ZYG11B: variants seen among roughly 807,000 people sequenced by gnomAD.
ZYG11B encodes the protein protein zyg-11 homolog B.
A neutral mutation model predicts 82.4 loss-of-function variants in ZYG11B; 36 were observed. The observed-to-expected ratio is 0.44, with a 90% CI of 0.33 to 0.58. The LOEUF is 0.58. Ranked by LOEUF, ZYG11B falls within the 20% of genes least tolerant of loss-of-function variation. The pLI is 0.02. For synonymous variants in ZYG11B, 303 were observed against 312.8 expected, an observed-to-expected ratio of 0.97 and a Z score of 0.33; for missense variants, 552 against 895.6, an observed-to-expected ratio of 0.62 and a Z score of 4.90.
intron 3 of ZYG11B, chr1:52,772,792 CT>C: frequency 1.8e-6 from 1 of 558,816 alleles, no homozygotes; most frequent in Non-Finnish European, 3.2e-6. Context: ...ATTCTTCTGC[CT>C]CAGTCCCCTG....
At chr1:52,789,561 G>C (rs771377560) in intron 5 of ZYG11B, among the ~76,000 whole-genome samples, 1 of 152,108 alleles carries the variant, frequency 6.6e-6, no homozygotes, top group African/African-American at 2.4e-5. Context: ...ATAGAGCCAA[G>C]TCTGTCAGTC....
At chr1:52,788,479 A>C (rs1371902077) in intron 5 of ZYG11B, among the ~76,000 whole-genome samples, 1 of 152,234 alleles carries the variant, frequency 6.6e-6, no homozygotes, top group Non-Finnish European at 1.5e-5. Context: ...AGTTCTAAGC[A>C]TTCAGATACA....
chr1:52,726,625 C>A lies in ZYG11B; in HGVS notation c.-29C>A. On this transcript the variant is annotated 5_prime_UTR_variant, in exon 1 of 14. Transcript: ENST00000294353. ...AGCCTGGGGGCGGGCTCCGGTCCGG[C>A]CCGCCGCCGCACCCAGGACGGAGGC... is the stretch of plus-strand genomic sequence containing the variant. 7.0e-7 allele frequency: 1 copy of A among 1,431,644 alleles called. No homozygotes were observed. The highest frequency in any genetic ancestry group is 9.1e-7 in the Non-Finnish European group (1 of 1,098,104). 88.7% of individuals were successfully genotyped at this position (1,431,644 alleles called of 1,614,324 possible). A position where few individuals can be genotyped will look rare whatever the true frequency, so the allele number is the denominator to read the frequency against.
At chr1:52,738,827 C>G (rs907289218) in intron 1 of ZYG11B, among the ~76,000 whole-genome samples, 1 of 151,660 alleles carries the variant, frequency 6.6e-6, no homozygotes, top group African/African-American at 2.4e-5. Context: ...CCATGTTGGT[C>G]TCAAACTCCC....
chr1:52,806,757 A>G (rs970994398), intron 10 of ZYG11B, among the ~76,000 whole-genome samples: 1 of 151,862 alleles, frequency 6.6e-6, no homozygotes, highest in Non-Finnish European at 1.5e-5. Flanking sequence ...CTGCTTTTTC[A>G]TCTAGTTTGA....
At chr1:52,747,358 A>G (rs190623057) in intron 1 of ZYG11B, among the ~76,000 whole-genome samples, 1 of 150,086 alleles carries the variant, frequency 6.7e-6, no homozygotes, top group Non-Finnish European at 1.5e-5. Context: ...TAGCATCATC[A>G]CCTCCTGTCT....
intron 1 of ZYG11B, among the ~76,000 whole-genome samples, chr1:52,741,479 AG>A (rs1644431375): frequency 6.6e-6 from 1 of 152,144 alleles, no homozygotes; most frequent in Admixed American, 6.6e-5. Flanking sequence ...TTTGGTTTCA[AG>A]GCTAGACTTG....
chr1:52,732,842 C>T (rs1215553047), intron 1 of ZYG11B, among the ~76,000 whole-genome samples: 3 of 151,946 alleles, frequency 2.0e-5, no homozygotes, highest in African/African-American at 7.3e-5. Context: ...AGCGTGGTGG[C>T]GGGTGCCTGT....
Position 52,803,534 on chromosome 1 carries a change from A to G in ZYG11B, c.1695+1395A>G, listed in dbSNP as rs537566196. 6.7e-4 allele frequency among the ~76,000 whole-genome samples: 102 copies of G among 151,514 alleles called. 2 individuals are homozygous for G. In the South Asian group the frequency reaches 0.019, roughly 28 times the overall value. On this transcript the variant is annotated intron_variant, in intron 10 of 13. Transcript: ENST00000294353. ...TTTTTGCCACATTAAAAGGAAAAAT[A>G]TAATACGCATATGCTTCTTTATATT... is the stretch of plus-strand genomic sequence containing the variant.
intron 2 of ZYG11B, 79 bp from the exon 3 acceptor site, chr1:52,770,941 G>A (rs573637286): frequency 1.4e-6 from 2 of 1,471,830 alleles, no homozygotes; most frequent in East Asian, 4.5e-5. Flanking sequence ...GGAGCGCTTT[G>A]GAAATGTAAA....
At chr1:52,746,121 C>T (rs752330333) in intron 1 of ZYG11B, among the ~76,000 whole-genome samples, 1 of 152,026 alleles carries the variant, frequency 6.6e-6, no homozygotes, top group Non-Finnish European at 1.5e-5. Flanking sequence ...CCACGCCCAG[C>T]TAATTTTTTG....
At position 52,824,889 on chromosome 1, in the gene ZYG11B, C is replaced by G. The variant is rs766398617; in HGVS notation, c.*3260C>G. ...GACTAGAATATAACTGTTATTGGTG[C>G]CTTTGAGTGTTATCTCTCAGTGGCT... On this transcript the variant is annotated 3_prime_UTR_variant, in exon 14 of 14. Transcript: ENST00000294353. The G allele has an allele frequency of 6.6e-6, 1 of 151,928 alleles. No homozygotes were observed. The highest frequency in any genetic ancestry group is 1.5e-5 in the Non-Finnish European group (1 of 67,994). The allele number at this position is 151,928 out of a possible 1,614,324, so 9.4% of individuals were successfully genotyped here. A position where few individuals can be genotyped will look rare whatever the true frequency, so the allele number is the denominator to read the frequency against.
intron 1 of ZYG11B, among the ~76,000 whole-genome samples, chr1:52,754,958 TC>T (rs1392914211): frequency 1.7e-5 from 2 of 121,040 alleles, no homozygotes; most frequent in Non-Finnish European, 3.4e-5. Flanking sequence ...AAAAGCCTAT[TC>T]TTTTTTTTTT....
chr1:52,818,653 A>G (rs970117597), intron 13 of ZYG11B, among the ~76,000 whole-genome samples: 1 of 152,094 alleles, frequency 6.6e-6, no homozygotes, highest in Non-Finnish European at 1.5e-5. Context: ...TTTTTATGAG[A>G]AGTTAACTAT....
chr1:52,728,138 T>C (rs924274662), intron 1 of ZYG11B, among the ~76,000 whole-genome samples: 1 of 152,230 alleles, frequency 6.6e-6, no homozygotes, highest in Non-Finnish European at 1.5e-5. Context: ...TACTTATTAT[T>C]CCAAGTGCCC....
At chr1:52,807,161 G>A (rs543600276) in intron 10 of ZYG11B, among the ~76,000 whole-genome samples, 3 of 151,702 alleles carry the variant, frequency 2.0e-5, no homozygotes, top group East Asian at 1.9e-4. Context: ...GTGAGCCACC[G>A]CGCCCGGCCT....
At chr1:52,774,620 T>TTTC (rs1426843868) in intron 3 of ZYG11B, among the ~76,000 whole-genome samples, 8 of 67,922 alleles carry the variant, frequency 1.2e-4, no homozygotes, top group African/African-American at 3.3e-4. Flanking sequence ...TTTTTTTTTT[T>TTTC]TTTTTTTTTT....
chr1:52,795,262 A>G (rs753152422), intron 6 of ZYG11B, among the ~76,000 whole-genome samples: 37 of 151,922 alleles, frequency 2.4e-4, no homozygotes, highest in Non-Finnish European at 4.9e-4. Context: ...TTGCCCTTCC[A>G]TCTCCTTCAC....
intron 7 of ZYG11B, 78 bp downstream of exon 7, chr1:52,796,469 G>A: frequency 8.1e-7 from 1 of 1,240,206 alleles, no homozygotes; most frequent in Non-Finnish European, 1.2e-6. Flanking sequence ...CAAAAGCTGT[G>A]TGCCAGAAAC....
Sources: allele counts gnomAD v4.1 joint callset (sites outside exome capture counted in the v4.1 genomes callset), GRCh38; gene constraint gnomAD v4.1.1; transcripts MANE v1.5; gene names NCBI Gene and HGNC (gene_info 2026-07-23, HGNC 2026-07-21).